AFTPH: variants seen among roughly 807,000 people sequenced by gnomAD.
AFTPH encodes aftiphilin, also known as aftiphilin protein.
In AFTPH, 7 loss-of-function variants were observed where a neutral mutation model predicts 72.5. The observed-to-expected ratio is 0.10, with a 90% CI of 0.05 to 0.18. The LOEUF (loss-of-function observed/expected upper bound fraction) is 0.18, where lower values mean the gene tolerates loss of function less well. AFTPH is among the 10% of genes least tolerant of loss of function. The pLI, the probability that AFTPH is intolerant of heterozygous loss-of-function variation, is 1.00. For missense variants in AFTPH, 979 were observed against 1,060.5 expected, an observed-to-expected ratio of 0.92 and a Z score of 1.07; for synonymous variants, 337 against 370.1, an observed-to-expected ratio of 0.91 and a Z score of 1.03.
chr2:64,524,439 G>C (rs531286540), exon 1 of AFTPH: 1 of 402,998 alleles, frequency 2.5e-6, no homozygotes, highest in Non-Finnish European at 4.4e-6. Flanking sequence ...GGGTCCCGCG[G>C]CAGCGGTGAA....
At chr2:64,548,391 C>G (rs1449772460) in intron 1 of AFTPH, among the ~76,000 whole-genome samples, 1 of 105,300 alleles carries the variant, frequency 9.5e-6, no homozygotes, top group Non-Finnish European at 1.7e-5. Flanking sequence ...CAGAGCGAGA[C>G]TCCGTCTCAA....
At chr2:64,525,018 G>C (rs1399198543) in intron 1 of AFTPH, among the ~76,000 whole-genome samples, 1 of 152,182 alleles carries the variant, frequency 6.6e-6, no homozygotes, top group Non-Finnish European at 1.5e-5. Context: ...CCCCTCCCTC[G>C]TGACAGGTGT....
chr2:64,548,262 G>T (rs1194342712), intron 1 of AFTPH, among the ~76,000 whole-genome samples: 2 of 145,688 alleles, frequency 1.4e-5, no homozygotes, highest in African/African-American at 4.9e-5. Flanking sequence ...GCGCGGTGGC[G>T]GGCGCCTGTA....
chr2:64,563,300 C>A (rs1671847370), intron 2 of AFTPH, among the ~76,000 whole-genome samples: 1 of 152,132 alleles, frequency 6.6e-6, no homozygotes, highest in South Asian at 2.1e-4. Context: ...TATTGTAAAA[C>A]AGATGAAAAT....
intron 1 of AFTPH, among the ~76,000 whole-genome samples, chr2:64,541,687 G>C (rs929184398): frequency 6.6e-6 from 1 of 152,114 alleles, no homozygotes; most frequent in Non-Finnish European, 1.5e-5. Context: ...TAAAGATTTG[G>C]AAGAATTTGA....
At chr2:64,572,220 CAAAA>C (rs34614295) in intron 5 of AFTPH, among the ~76,000 whole-genome samples, 1 of 116,864 alleles carries the variant, frequency 8.6e-6, no homozygotes, top group Non-Finnish European at 1.8e-5. Flanking sequence ...AACTCTGTCT[CAAAA>C]AAAAAAAAAA....
At chr2:64,575,835 T>G (rs1466015416) in intron 6 of AFTPH, among the ~76,000 whole-genome samples, 6 of 150,684 alleles carry the variant, frequency 4.0e-5, no homozygotes, top group Non-Finnish European at 8.9e-5. Flanking sequence ...ACCTCCCGGG[T>G]TCAAGTGATT....
At chr2:64,526,506 T>A (rs1669273975) in intron 1 of AFTPH, among the ~76,000 whole-genome samples, 1 of 152,242 alleles carries the variant, frequency 6.6e-6, no homozygotes, top group Non-Finnish European at 1.5e-5. Flanking sequence ...TAATTTAATG[T>A]TACCTACACT....
chr2:64,570,329 A>G (rs534166180), intron 5 of AFTPH, among the ~76,000 whole-genome samples: 12 of 152,344 alleles, frequency 7.9e-5, no homozygotes, highest in East Asian at 3.9e-4. Flanking sequence ...AAGCATTACT[A>G]TAACCGTTAA....
chr2:64,591,287 G>T (rs570857725), intron 8 of AFTPH, among the ~76,000 whole-genome samples: 1 of 152,148 alleles, frequency 6.6e-6, no homozygotes, highest in Non-Finnish European at 1.5e-5. Context: ...GCCTGTGTAC[G>T]TGCATAATAA....
In AFTPH at chr2:64,551,615, C is replaced by A. The variant is rs113401509; in HGVS notation, c.141C>A (p.Phe47Leu). Residue 47 changes from phenylalanine to leucine, a missense_variant, in exon 2 of 9, where the codon TTC becomes TTA. This residue lies in a region of AFTPH where 43 missense variants were observed against 63.0 expected (regional missense o/e 0.68). Transcript: ENST00000238856. Reference sequence around the variant, plus strand: ...CTTCTGGTGTAGGGTTTGTTGATTTCGATACACCAGATTATACTCGTCCCA... The same window carrying A: ...CTTCTGGTGTAGGGTTTGTTGATTTAGATACACCAGATTATACTCGTCCCA... The A allele has an allele frequency of 4.6e-4, 736 of 1,613,866 alleles. 2 individuals are homozygous for A. The highest frequency in any genetic ancestry group is 3.5e-3 in the Middle Eastern group (21 of 6,058).
Position 64,554,115 on chromosome 2 carries a change from C to G in AFTPH, c.1935+706C>G, listed in dbSNP as rs1006649451. On this transcript the variant is annotated intron_variant, in intron 2 of 8. Coordinates refer to ENST00000238856, the Ensembl canonical transcript of AFTPH. ...AGTTGTATTTATTTGCCTATACTTT[C>G]TTACAAATGTACTTGTTAGCTCTTC... 2.6e-5 allele frequency among the ~76,000 whole-genome samples: 4 copies of G among 152,166 alleles called. No homozygotes were observed. In the South Asian group the frequency reaches 8.3e-4, roughly 31 times the overall value.
At chr2:64,584,300 T>C (rs1372022104) in intron 7 of AFTPH, among the ~76,000 whole-genome samples, 2 of 152,118 alleles carry the variant, frequency 1.3e-5, no homozygotes, top group African/African-American at 2.4e-5. Flanking sequence ...ACATGAGAAA[T>C]ACACAAAGTT....
exon 2 of AFTPH, chr2:64,553,308 A>G (rs1671160907): frequency 1.2e-6 from 2 of 1,614,000 alleles, no homozygotes; most frequent in East Asian, 4.5e-5. Flanking sequence ...AGATGAAAAT[A>G]TTGATACTCC....
At chr2:64,546,188 C>G (rs1051037426) in intron 1 of AFTPH, among the ~76,000 whole-genome samples, 2 of 133,772 alleles carry the variant, frequency 1.5e-5, no homozygotes, top group African/African-American at 3.0e-5. Flanking sequence ...CCACTGCACC[C>G]AGCCCTTTTT....
intron 8 of AFTPH, among the ~76,000 whole-genome samples, chr2:64,589,083 T>C (rs1673670876): frequency 6.6e-6 from 1 of 152,222 alleles, no homozygotes; most frequent in Non-Finnish European, 1.5e-5. Context: ...CTAATTTTTC[T>C]TGTGATTTAG....
chr2:64,564,988 G>C (rs1361994484), intron 2 of AFTPH, among the ~76,000 whole-genome samples: 1 of 151,740 alleles, frequency 6.6e-6, no homozygotes, highest in East Asian at 2.0e-4. Context: ...ACAGGCGTGC[G>C]CCACCATGCC....
intron 7 of AFTPH, among the ~76,000 whole-genome samples, chr2:64,582,630 A>T (rs1232851465): frequency 2.0e-5 from 3 of 152,140 alleles, no homozygotes. Flanking sequence ...ACGGGGGGGT[A>T]GGAGGGACAA....
chr2:64,542,248 C>T (rs1449372246), intron 1 of AFTPH, among the ~76,000 whole-genome samples: 1 of 152,116 alleles, frequency 6.6e-6, no homozygotes, highest in Non-Finnish European at 1.5e-5. Context: ...CACTCCACCC[C>T]CCTCAAATGT....
Sources: allele counts gnomAD v4.1 joint callset (sites outside exome capture counted in the v4.1 genomes callset), GRCh38; gene constraint gnomAD v4.1.1; regional missense constraint gnomAD v4.1.1; transcripts MANE v1.5; gene names NCBI Gene and HGNC (gene_info 2026-07-23, HGNC 2026-07-21).